The following PTN variants were observed in gnomAD, a reference collection of about 807,000 sequenced individuals.
PTN encodes the protein pleiotrophin.
A neutral mutation model predicts 24.1 loss-of-function variants in PTN; 18 were observed. The observed-to-expected ratio is 0.75, with a 90% CI of 0.52 to 1.11. The LOEUF is 1.11. PTN is among the 50% of genes least tolerant of loss of function. The pLI is 0.00. For missense variants in PTN, 163 were observed against 198.8 expected, an observed-to-expected ratio of 0.82 and a Z score of 1.08; for synonymous variants, 78 against 68.6, an observed-to-expected ratio of 1.14 and a Z score of -0.67.
intron 1 of PTN, among the ~76,000 whole-genome samples, chr7:137,295,221 A>G (rs1210537676): frequency 2.0e-5 from 3 of 152,198 alleles, no homozygotes; most frequent in Admixed American, 6.5e-5. Flanking sequence ...ACATAGAACA[A>G]TGAATAGCAC....
intron 1 of PTN, among the ~76,000 whole-genome samples, chr7:137,278,340 G>GAAAAAA (rs1554466606): frequency 2.8e-4 from 27 of 97,328 alleles, no homozygotes; most frequent in South Asian, 7.9e-4. Context: ...AAAAAAAAAT[G>GAAAAAA]ACTACTAATC....
intron 1 of PTN, among the ~76,000 whole-genome samples, chr7:137,285,123 T>C (rs1299985162): frequency 1.3e-5 from 2 of 152,282 alleles, no homozygotes; most frequent in East Asian, 3.9e-4. Context: ...ACATTCCATT[T>C]TGGAGAAGCT....
intron 1 of PTN, among the ~76,000 whole-genome samples, chr7:137,341,621 C>T (rs1432461351): frequency 6.6e-6 from 1 of 152,088 alleles, no homozygotes; most frequent in Non-Finnish European, 1.5e-5. Flanking sequence ...GCTTTGAGAA[C>T]ATAATGCATT....
chr7:137,231,528 C>G (rs977794790), intron 4 of PTN, among the ~76,000 whole-genome samples: 2 of 151,860 alleles, frequency 1.3e-5, no homozygotes, highest in African/African-American at 4.8e-5. Flanking sequence ...AATTTTGTCT[C>G]TAATTATTTG....
chr7:137,271,335 A>G (rs1296460632), intron 1 of PTN, among the ~76,000 whole-genome samples: 1 of 152,206 alleles, frequency 6.6e-6, no homozygotes, highest in African/African-American at 2.4e-5. Flanking sequence ...TGACTTGGTA[A>G]TATAGTAGAA....
intron 1 of PTN, among the ~76,000 whole-genome samples, chr7:137,316,599 T>C (rs1248376894): frequency 3.9e-5 from 6 of 152,102 alleles, no homozygotes; most frequent in Admixed American, 3.3e-4. Context: ...ATTTTGAAAA[T>C]GACCCATGCC....
intron 4 of PTN, among the ~76,000 whole-genome samples, chr7:137,237,711 C>T (rs1296941592): frequency 6.6e-6 from 1 of 152,082 alleles, no homozygotes; most frequent in Non-Finnish European, 1.5e-5. Flanking sequence ...TATTCCCCAC[C>T]ACGTGATTTC....
intron 1 of PTN, among the ~76,000 whole-genome samples, chr7:137,276,506 C>T (rs1048735476): frequency 6.6e-6 from 1 of 152,130 alleles, no homozygotes; most frequent in Non-Finnish European, 1.5e-5. Flanking sequence ...GTTTTGAGGG[C>T]CCCTCAGCTG....
At chr7:137,322,788 A>G (rs1810185290) in intron 1 of PTN, among the ~76,000 whole-genome samples, 1 of 152,198 alleles carries the variant, frequency 6.6e-6, no homozygotes, top group Admixed American at 6.5e-5. Flanking sequence ...GATTTGGATT[A>G]GCTTCCAAAA....
chr7:137,290,931 G>A (rs17169050), intron 1 of PTN, among the ~76,000 whole-genome samples: 3,563 of 152,056 alleles, frequency 0.023, 170 homozygotes, highest in East Asian at 0.2. Flanking sequence ...ATCACACAAC[G>A]TGGAACATTT....
chr7:137,236,023 G>C, intron 4 of PTN: 1 of 597,696 alleles, frequency 1.7e-6, no homozygotes, highest in South Asian at 2.1e-5. Flanking sequence ...AGCTATGAAA[G>C]CACTAGTGAA....
intron 1 of PTN, among the ~76,000 whole-genome samples, chr7:137,321,102 C>T (rs573032292): frequency 1.6e-4 from 24 of 152,280 alleles, no homozygotes; most frequent in Non-Finnish European, 3.4e-4. Flanking sequence ...GCTATTAGGG[C>T]TCCCTTGCTA....
Position 137,324,433 on chromosome 7 carries a change from A to AAAAAAAT in PTN, c.-2+19005_-2+19006insATTTTTT. On this transcript the variant is annotated intron_variant, in intron 1 of 4. Transcript: ENST00000348225. ...CCCTGTCTCTAAAAAAAAAAAAAAA[A>AAAAAAAT]ATATATATATATATATATAAATTAA... Among the ~76,000 whole-genome samples, 130 of 88,754 alleles carry AAAAAAAT rather than the reference A, an allele frequency of 1.5e-3. 2 individuals carry two copies. Among genetic ancestry groups the AAAAAAAT allele is most frequent in the East Asian group, 0.013 (42 of 3,304 alleles). 58.2% of individuals were successfully genotyped at this position (88,754 alleles called of 152,430 possible). A position where few individuals can be genotyped will look rare whatever the true frequency, so the allele number is the denominator to read the frequency against.
intron 1 of PTN, among the ~76,000 whole-genome samples, chr7:137,336,537 C>T (rs542358732): frequency 4.9e-4 from 75 of 152,252 alleles, no homozygotes; most frequent in Admixed American, 7.9e-4. Context: ...CTGCCCAACC[C>T]CCAGGCCTTG....
At chr7:137,254,830 C>A in intron 2 of PTN, 29 bp downstream of exon 2, 1 of 1,434,526 alleles carries the variant, frequency 7.0e-7, no homozygotes, top group Non-Finnish European at 9.5e-7. Flanking sequence ...ATCAATGAAG[C>A]ATCTTGCCTT....
chr7:137,298,418 T>TC (rs1160875109), intron 1 of PTN, among the ~76,000 whole-genome samples: 1 of 151,718 alleles, frequency 6.6e-6, no homozygotes, highest in Non-Finnish European at 1.5e-5. Flanking sequence ...AATTTATTTT[T>TC]TTTCAAATTT....
intron 4 of PTN, among the ~76,000 whole-genome samples, chr7:137,244,374 A>ATTTTTTTTTTTTT: frequency 7.6e-6 from 1 of 131,166 alleles, no homozygotes; most frequent in Non-Finnish European, 1.6e-5. Flanking sequence ...TCTCCTCAGA[A>ATTTTTTTTTTTTT]TTTTTTTTTT....
At chr7:137,324,433 A>AAAAAAAAAAAAATATATATATATAT in intron 1 of PTN, among the ~76,000 whole-genome samples, 5 of 88,760 alleles carry the variant, frequency 5.6e-5, no homozygotes, top group African/African-American at 3.5e-4. Flanking sequence ...AAAAAAAAAA[A>AAAAAAAAAAAAATATATATATATAT]ATATATATAT....
chr7:137,290,675 C>CT (rs1309582833), intron 1 of PTN, among the ~76,000 whole-genome samples: 1 of 151,962 alleles, frequency 6.6e-6, no homozygotes, highest in Non-Finnish European at 1.5e-5. Context: ...ATACATAGGA[C>CT]AAGTGACTGA....
Sources: gnomAD v4.1 joint callset for allele counts (sites outside exome capture counted in the v4.1 genomes callset) on GRCh38, gnomAD v4.1.1 for gene constraint, MANE v1.5 for transcripts, NCBI Gene and HGNC (gene_info 2026-07-23, HGNC 2026-07-21) for gene names.